The following FLRT2 variants were observed in gnomAD, a reference collection of about 807,000 sequenced individuals.
The protein encoded by FLRT2 is leucine-rich repeat transmembrane protein FLRT2.
In FLRT2, 15 loss-of-function variants were observed where a neutral mutation model predicts 40.0. The observed-to-expected ratio is 0.38, with a 90% CI of 0.25 to 0.58. FLRT2 has a LOEUF of 0.58. FLRT2 is among the 20% of genes least tolerant of loss of function. The probability of loss-of-function intolerance (pLI) is 0.71; values close to 1 mark genes in which losing one functional copy is unlikely to be tolerated. For synonymous variants in FLRT2, 380 were observed against 336.8 expected, an observed-to-expected ratio of 1.13 and a Z score of -1.41; for missense variants, 726 against 840.0, an observed-to-expected ratio of 0.86 and a Z score of 1.68.
intron 1 of FLRT2, chr14:85,561,438 C>T (rs541937065): frequency 2.0e-4 from 31 of 152,320 alleles, no homozygotes; most frequent in Admixed American, 6.5e-4. Flanking sequence ...TGTATTATTC[C>T]AGTCAACTTA....
intron 1 of FLRT2, among the ~76,000 whole-genome samples, chr14:85,583,598 C>G (rs779008715): frequency 2.6e-5 from 4 of 152,176 alleles, no homozygotes; most frequent in Non-Finnish European, 5.9e-5. Context: ...CAGCCCTGGA[C>G]TCCTACAGGA....
intron 1 of FLRT2, among the ~76,000 whole-genome samples, chr14:85,564,343 G>C (rs1027272478): frequency 6.6e-6 from 1 of 152,066 alleles, no homozygotes; most frequent in Non-Finnish European, 1.5e-5. Context: ...TAAAATTTGG[G>C]AGTATTAAAA....
At chr14:85,556,593 C>G (rs545907973) in intron 1 of FLRT2, among the ~76,000 whole-genome samples, 49 of 152,266 alleles carry the variant, frequency 3.2e-4, no homozygotes, top group African/African-American at 1.1e-3. Context: ...GGTTCAAAGT[C>G]TCATTTTTCT....
At chr14:85,544,805 G>A (rs1194377507) in intron 1 of FLRT2, among the ~76,000 whole-genome samples, 1 of 152,176 alleles carries the variant, frequency 6.6e-6, no homozygotes, top group East Asian at 1.9e-4. Flanking sequence ...GCGGTAGATT[G>A]CCATTTGATG....
chr14:85,629,516 T>C lies in FLRT2; in HGVS notation c.*6019T>C, dbSNP rs192409989. 5.8e-4 allele frequency: 89 copies of C among 152,380 alleles called. No homozygotes were observed. Among genetic ancestry groups the C allele is most frequent in the African/African-American group, 2.1e-3 (88 of 41,590 alleles). 9.4% of individuals were successfully genotyped at this position (152,380 alleles called of 1,614,324 possible). On this transcript the variant is annotated 3_prime_UTR_variant, in exon 2 of 2. Coordinates refer to ENST00000330753, the MANE Select transcript of FLRT2 (RefSeq NM_013231.6). ...CTTGTGCAAACTGTGTGATAACGTA[T>C]GTTTGCATTCTGTCTTTAAAATAAC...
chr14:85,640,884 C>T lies in FLRT2; in HGVS notation c.*17387C>T, dbSNP rs147547239. The T allele has an allele frequency of 3.3e-4, 51 of 152,296 alleles. 1 individual carries two copies. The highest frequency in any genetic ancestry group is 2.1e-4 in the South Asian group (1 of 4,832). The allele number at this position is 152,296 out of a possible 1,614,324, so 9.4% of individuals were successfully genotyped here. A position where few individuals can be genotyped will look rare whatever the true frequency, so the allele number is the denominator to read the frequency against. ...AGGCTTTTCGGCTGCACAGCTGAAT[C>T]GCCTCTGTGAAAATCCTGACCTCGC... On this transcript the variant is annotated 3_prime_UTR_variant, in exon 2 of 2. Coordinates refer to ENST00000330753, the MANE Select transcript of FLRT2 (RefSeq NM_013231.6).
In FLRT2 at chr14:85,630,089, A is replaced by T. The variant is rs1438530316; in HGVS notation, c.*6592A>T. On this transcript the variant is annotated 3_prime_UTR_variant, in exon 2 of 2. Coordinates refer to ENST00000330753, the MANE Select transcript of FLRT2 (RefSeq NM_013231.6). ...CACGTATGTCACAATCTATTAGGGC[A>T]TTAGTAAACTGGCTTCTGAATTTAT... The T allele has an allele frequency of 4.6e-5, 7 of 152,182 alleles. No individual in the cohort carries two copies. Among genetic ancestry groups the T allele is most frequent in the African/African-American group, 1.7e-4 (7 of 41,456 alleles). 9.4% of individuals were successfully genotyped at this position (152,182 alleles called of 1,614,324 possible). A position where few individuals can be genotyped will look rare whatever the true frequency, so the allele number is the denominator to read the frequency against.
intron 1 of FLRT2, chr14:85,561,248 G>A (rs1890298680): frequency 6.6e-6 from 1 of 152,144 alleles, no homozygotes; most frequent in African/African-American, 2.4e-5. Context: ...GATGGTAATG[G>A]GAGCTGTACA....
chr14:85,620,260 C>T (rs535604178), intron 1 of FLRT2, among the ~76,000 whole-genome samples: 69 of 150,324 alleles, frequency 4.6e-4, no homozygotes, highest in Admixed American at 4.6e-4. Flanking sequence ...TCTTTTTTTT[C>T]TTTGAATGAT....
Position 85,623,013 on chromosome 14 carries a change from A to G in FLRT2, c.1499A>G (p.Asn500Ser), listed in dbSNP as rs754243349. 3 of 1,614,114 alleles carry G rather than the reference A, an allele frequency of 1.9e-6. No individual in the cohort carries two copies. In the African/African-American group the frequency reaches 4.0e-5, roughly 22 times the overall value. Residue 500 changes from asparagine (N) to serine (S), a missense_variant, in exon 2 of 2, where the codon AAC (asparagine) becomes AGC (serine). Asn to Ser is a conservative substitution (Grantham distance 46, BLOSUM62 1). Coordinates refer to ENST00000330753, the MANE Select transcript of FLRT2 (RefSeq NM_013231.6). ...TGTTTAGTGCCACTGGATGCTTTTA[A>G]CTACCGCGCGGTAGAAGACACCATT... ...RICLVPLDAF[N>S]YRAVEDTICS...
chr14:85,610,688 C>T (rs1309743637), intron 1 of FLRT2, among the ~76,000 whole-genome samples: 3 of 152,086 alleles, frequency 2.0e-5, no homozygotes, highest in African/African-American at 7.2e-5. Context: ...GGCCTCTCTT[C>T]TCCTGAGCAC....
In FLRT2 at chr14:85,635,385, C is replaced by T. The variant is rs888162027; in HGVS notation, c.*11888C>T. 1 of 152,030 alleles carries T rather than the reference C, an allele frequency of 6.6e-6. No homozygotes were observed. The highest frequency in any genetic ancestry group is 1.5e-5 in the Non-Finnish European group (1 of 67,962). The allele number at this position is 152,030 out of a possible 1,614,324, so 9.4% of individuals were successfully genotyped here. On this transcript the variant is annotated 3_prime_UTR_variant, in exon 2 of 2. Transcript: ENST00000330753. ...CAAGTGAAAACAAAACTCATTAGTTCAACCACTTCTCCCTCAAAACAAGGA... is the reference window on the plus strand; with the variant it reads ...CAAGTGAAAACAAAACTCATTAGTTTAACCACTTCTCCCTCAAAACAAGGA...
intron 1 of FLRT2, among the ~76,000 whole-genome samples, chr14:85,600,922 T>C (rs559575756): frequency 6.6e-6 from 1 of 152,200 alleles, no homozygotes; most frequent in South Asian, 2.1e-4. Flanking sequence ...GCTTAATAGA[T>C]GTTCGTTGAA....
In FLRT2 at chr14:85,644,697, G is replaced by A. The variant is rs1894248017; in HGVS notation, c.*21200G>A. The A allele has an allele frequency of 6.6e-6, 1 of 152,174 alleles. No homozygotes were observed. Among genetic ancestry groups the A allele is most frequent in the Admixed American group, 6.5e-5 (1 of 15,276 alleles). The allele number at this position is 152,174 out of a possible 1,614,324, so 9.4% of individuals were successfully genotyped here. A position where few individuals can be genotyped will look rare whatever the true frequency, so the allele number is the denominator to read the frequency against. The stretch of plus-strand genomic sequence containing the variant: ...AACATATACTAGTTTTAGATGCGCT[G>A]CTTCGATACTTTGGATTCAATACTT... On this transcript the variant is annotated 3_prime_UTR_variant, in exon 2 of 2. Coordinates refer to ENST00000330753, the MANE Select transcript of FLRT2 (RefSeq NM_013231.6).
rs916853353 is a variant in FLRT2, at chr14:85,534,560, G to A, written c.-377+4026G>A. 5.9e-5 allele frequency among the ~76,000 whole-genome samples: 9 copies of A among 152,020 alleles called. 1 individual carries two copies. On this transcript the variant is annotated intron_variant, in intron 1 of 1. Transcript: ENST00000330753. ...TACATTTTCAGGGGTGAGGTGAAAC[G>A]TGTTAGCTATTGGTGATGTGAATTT...
intron 1 of FLRT2, among the ~76,000 whole-genome samples, chr14:85,614,222 G>C: frequency 6.6e-6 from 1 of 152,136 alleles, no homozygotes; most frequent in Non-Finnish European, 1.5e-5. Context: ...CAGGTCCTCT[G>C]TCTCCAGAGC....
At position 85,622,626 on chromosome 14, in the gene FLRT2, C is replaced by T. The variant is rs1566763418; in HGVS notation, c.1112C>T (p.Thr371Ile). The T allele has an allele frequency of 1.9e-6, 3 of 1,613,738 alleles. No individual in the cohort carries two copies. The highest frequency in any genetic ancestry group is 1.1e-5 in the South Asian group (1 of 91,082). ...ACGACCCCCGGCCTGCCTCTCTTCA[C>T]CCCAGCCCCAAGTACAGCTTCTCCG... ...PTTTPGLPLF[T>I]PAPSTASPTT... Residue 371 changes from threonine to isoleucine, a missense_variant, in exon 2 of 2, where the codon ACC becomes ATC. Thr to Ile is a moderately conservative substitution (Grantham distance 89, BLOSUM62 -1). Transcript: ENST00000330753.
Position 85,653,234 on chromosome 14 carries a change from C to T in FLRT2, c.*29737C>T, listed in dbSNP as rs954795516. On this transcript the variant is annotated 3_prime_UTR_variant, in exon 2 of 2. Coordinates refer to ENST00000330753, the MANE Select transcript of FLRT2 (RefSeq NM_013231.6). Reference sequence around the variant, plus strand: ...ACATATGTAAATGAAATGTTTTGAGCAAAGTTGTAACCCTGCCCACAAAAT... The same window carrying T: ...ACATATGTAAATGAAATGTTTTGAGTAAAGTTGTAACCCTGCCCACAAAAT... 3.3e-5 allele frequency: 5 copies of T among 152,076 alleles called. No homozygotes were observed. The highest frequency in any genetic ancestry group is 5.9e-5 in the Non-Finnish European group (4 of 68,032). 9.4% of individuals were successfully genotyped at this position (152,076 alleles called of 1,614,324 possible).
In FLRT2 at chr14:85,624,215, A is replaced by C. The variant is rs1470636390; in HGVS notation, c.*718A>C. The C allele has an allele frequency of 6.0e-6, 1 of 167,076 alleles. No homozygotes were observed. The highest frequency in any genetic ancestry group is 1.9e-4 in the East Asian group (1 of 5,196). 10.3% of individuals were successfully genotyped at this position (167,076 alleles called of 1,614,324 possible). ...TGCTTCCCTGGTCCTATGTGATAAC[A>C]GAGTTAGAGACTTGAGTCTGATTTC... On this transcript the variant is annotated 3_prime_UTR_variant, in exon 2 of 2. Coordinates refer to ENST00000330753, the MANE Select transcript of FLRT2 (RefSeq NM_013231.6).
Sources: gnomAD v4.1 joint callset for allele counts (sites outside exome capture counted in the v4.1 genomes callset) on GRCh38, gnomAD v4.1.1 for gene constraint, MANE v1.5 for transcripts, NCBI Gene and HGNC (gene_info 2026-07-23, HGNC 2026-07-21) for gene names.